USH2A: variants seen among roughly 807,000 people sequenced by gnomAD.
USH2A encodes the protein Usher syndrome 2A (autosomal recessive, mild).
A neutral mutation model predicts 538.9 loss-of-function variants in USH2A; 443 were observed. The observed-to-expected ratio is 0.82, with a 90% CI of 0.76 to 0.89. USH2A has a LOEUF of 0.89. Among genes scored for constraint, USH2A ranks in the 40% least tolerant of loss-of-function variants. USH2A has a pLI of 0.00. For missense variants in USH2A, 6,633 were observed against 6,324.8 expected, an observed-to-expected ratio of 1.05 and a Z score of -1.65; for synonymous variants, 2,413 against 2,273.5, an observed-to-expected ratio of 1.06 and a Z score of -1.75.
At chr1:216,362,015 G>T (rs1057093600) in intron 4 of USH2A, among the ~76,000 whole-genome samples, 3 of 152,106 alleles carry the variant, frequency 2.0e-5, no homozygotes, top group African/African-American at 7.2e-5. Flanking sequence ...TGAGATTCTG[G>T]AAATATTCTA....
rs1278731585 is a variant in USH2A, at chr1:216,035,564, T to G, written c.6325+10867A>C. On this transcript the variant is annotated intron_variant, in intron 32 of 71. Coordinates refer to ENST00000307340, the MANE Select transcript of USH2A (RefSeq NM_206933.4). ...TTAAGCCATCTAGTTTGTGTTACTTTGTTACAATAGTCTTAGCAAGCTAAA... is the reference window on the plus strand; with the variant it reads ...TTAAGCCATCTAGTTTGTGTTACTTGGTTACAATAGTCTTAGCAAGCTAAA... Among the ~76,000 whole-genome samples the G allele has an allele frequency of 3.3e-5, 5 of 152,146 alleles. No individual in the cohort carries two copies. In the East Asian group the frequency reaches 9.6e-4, roughly 29 times the overall value.
At chr1:216,331,789 A>G (rs1221823733) in intron 4 of USH2A, among the ~76,000 whole-genome samples, 2 of 152,138 alleles carry the variant, frequency 1.3e-5, no homozygotes, top group African/African-American at 4.8e-5. Context: ...CTATTAAAGC[A>G]AGGCAATGTA....
chr1:216,135,141 CT>C (rs1459520778), intron 21 of USH2A, among the ~76,000 whole-genome samples: 1 of 16,524 alleles, frequency 6.1e-5, no homozygotes, highest in African/African-American at 2.0e-4. Flanking sequence ...GAAACTCTCT[CT>C]CTCTCTCTCT....
At chr1:215,642,416 T>A (rs1393636147) in intron 67 of USH2A, among the ~76,000 whole-genome samples, 1 of 152,192 alleles carries the variant, frequency 6.6e-6, no homozygotes, top group East Asian at 1.9e-4. Flanking sequence ...TTATCATCGG[T>A]ACACATTTGT....
At chr1:215,759,866 GT>G in intron 56 of USH2A, 23 bp from the exon 57 acceptor site, 1 of 1,613,604 alleles carries the variant, frequency 6.2e-7, no homozygotes, top group Non-Finnish European at 8.5e-7. Context: ...ACGCAATGAG[GT>G]TTTATTGTTA....
chr1:215,976,418 A>C (rs748359337), intron 35 of USH2A, among the ~76,000 whole-genome samples: 1 of 152,024 alleles, frequency 6.6e-6, no homozygotes. Flanking sequence ...TCCAGCTTCT[A>C]CCTGCTCTGT....
chr1:216,313,581 A>G (rs1482990312), intron 9 of USH2A, among the ~76,000 whole-genome samples: 3 of 152,024 alleles, frequency 2.0e-5, no homozygotes, highest in Non-Finnish European at 4.4e-5. Flanking sequence ...ATTTTCCTCT[A>G]TATTTATCCA....
At chr1:216,398,569 C>CACACAA (rs2039256167) in intron 3 of USH2A, among the ~76,000 whole-genome samples, 1 of 151,868 alleles carries the variant, frequency 6.6e-6, no homozygotes, top group Non-Finnish European at 1.5e-5. Context: ...CACACACACA[C>CACACAA]TCTCTCCCCA....
At chr1:215,664,856 T>G (rs1027854739) in intron 64 of USH2A, among the ~76,000 whole-genome samples, 3 of 152,188 alleles carry the variant, frequency 2.0e-5, no homozygotes, top group African/African-American at 7.2e-5. Context: ...TGCAGGTGCC[T>G]TGACCTTGTA....
At chr1:216,303,316 T>C (rs899326737) in intron 9 of USH2A, among the ~76,000 whole-genome samples, 8 of 151,980 alleles carry the variant, frequency 5.3e-5, no homozygotes, top group Non-Finnish European at 1.2e-4. Flanking sequence ...CAGGATAACC[T>C]GCATTATTTT....
Position 215,996,560 on chromosome 1 carries a change from GTTTTTTTTTTTTTTTTTTTT to G in USH2A, c.6657+2307_6657+2326del, listed in dbSNP as rs753233925. Among the ~76,000 whole-genome samples the G allele has an allele frequency of 1.9e-4, 10 of 51,718 alleles. 1 individual carries two copies. The highest frequency in any genetic ancestry group is 9.7e-4 in the South Asian group (1 of 1,030). 33.9% of individuals were successfully genotyped at this position (51,718 alleles called of 152,430 possible). A position where few individuals can be genotyped will look rare whatever the true frequency, so the allele number is the denominator to read the frequency against. ...TTTGTTGAGAGTAGCAACATATTAT[GTTTTTTTTTTTTTTTTTTTT>G]TTTTTTTTTTTTTTTGCAGTGGAAA... is the stretch of plus-strand genomic sequence containing the variant. On this transcript the variant is annotated intron_variant, in intron 34 of 71. Coordinates refer to ENST00000307340, the MANE Select transcript of USH2A (RefSeq NM_206933.4).
rs147485767 is a variant in USH2A, at chr1:215,686,971, C to T, written c.12067-6595G>A. Among the ~76,000 whole-genome samples the T allele has an allele frequency of 2.7e-4, 41 of 152,148 alleles. 1 individual carries two copies. In the East Asian group the frequency reaches 6.4e-3, roughly 24 times the overall value. Reference sequence around the variant, plus strand: ...TAAAACCAATTTTCCTATTTTCTTTCCTGACCCACTATCAGAACCATGCCT... The same window carrying T: ...TAAAACCAATTTTCCTATTTTCTTTTCTGACCCACTATCAGAACCATGCCT... On this transcript the variant is annotated intron_variant, in intron 61 of 71. Coordinates refer to ENST00000307340, the MANE Select transcript of USH2A (RefSeq NM_206933.4).
chr1:216,271,151 C>T (rs2036566337), intron 11 of USH2A, among the ~76,000 whole-genome samples: 1 of 152,050 alleles, frequency 6.6e-6, no homozygotes, highest in South Asian at 2.1e-4. Flanking sequence ...CAATAGCTCC[C>T]TATTGCCTAA....
intron 20 of USH2A, among the ~76,000 whole-genome samples, chr1:216,187,134 G>C (rs1209573730): frequency 6.6e-6 from 1 of 151,862 alleles, no homozygotes; most frequent in East Asian, 1.9e-4. Context: ...TAGTTTATCT[G>C]AAATAGCATT....
chr1:215,672,847 AAATATCCT>A (rs1657869003), intron 63 of USH2A, among the ~76,000 whole-genome samples: 1 of 152,242 alleles, frequency 6.6e-6, no homozygotes, highest in Non-Finnish European at 1.5e-5. Flanking sequence ...TCACATTCTT[AAATATCCT>A]TGCAATTTAT....
chr1:215,810,886 A>C (rs1411113672), intron 49 of USH2A, among the ~76,000 whole-genome samples: 6 of 152,190 alleles, frequency 3.9e-5, no homozygotes, highest in Non-Finnish European at 8.8e-5. Context: ...CAATTTTGAA[A>C]TATTTTTGAT....
intron 54 of USH2A, among the ~76,000 whole-genome samples, chr1:215,781,700 C>T (rs1014060488): frequency 6.6e-6 from 1 of 152,050 alleles, no homozygotes; most frequent in South Asian, 2.1e-4. Flanking sequence ...TAAATAGAAA[C>T]TTTCTTTAAC....
rs1472664914 is a variant in USH2A at position 216,073,082 on chromosome 1, G to C, written c.5776+15C>G. ...AGAGACATGTAACATTTAATTTAGA[G>C]GACCTCCACATTACCTGTAAAAGGC... On this transcript the variant is annotated intron_variant, in intron 28 of 71. Transcript: ENST00000307340. The C allele has an allele frequency of 6.2e-7, 1 of 1,613,716 alleles. No individual in the cohort carries two copies. Among genetic ancestry groups the C allele is most frequent in the Non-Finnish European group, 8.5e-7 (1 of 1,179,882 alleles).
At chr1:215,851,099 C>T (rs1238365211) in intron 44 of USH2A, among the ~76,000 whole-genome samples, 1 of 151,864 alleles carries the variant, frequency 6.6e-6, no homozygotes, top group Non-Finnish European at 1.5e-5. Flanking sequence ...CTCAGAAAGA[C>T]CACAAATAGA....
Sources: gnomAD v4.1 joint callset for allele counts (sites outside exome capture counted in the v4.1 genomes callset) on GRCh38, gnomAD v4.1.1 for gene constraint, MANE v1.5 for transcripts, NCBI Gene and HGNC (gene_info 2026-07-23, HGNC 2026-07-21) for gene names.